The following OXR1 variants were observed in gnomAD, a reference collection of about 807,000 sequenced individuals.
OXR1 encodes the protein oxidation resistance protein 1.
Under a neutral mutation model 104.6 loss-of-function variants are expected in OXR1, and 41 were observed. The ratio of observed to expected loss-of-function variants is 0.39; its 90% CI spans 0.31 to 0.51. The LOEUF is 0.51. Among genes scored for constraint, OXR1 ranks in the 20% least tolerant of loss-of-function variants. OXR1 has a pLI of 0.77. For missense variants in OXR1, 955 were observed against 1,031.9 expected (o/e 0.93, Z 1.02); for synonymous variants, 348 against 348.4 (o/e 1.00, Z 0.01).
At chr8:106,505,584 G>A (rs1670395) in intron 2 of OXR1, among the ~76,000 whole-genome samples, 16,388 of 152,148 alleles carry the variant, frequency 0.11, 1,002 homozygotes, top group African/African-American at 0.15. Flanking sequence ...AGCTAGGGAA[G>A]GAGGATGAGA....
At chr8:106,723,720 G>C (rs1833068709) in intron 11 of OXR1, among the ~76,000 whole-genome samples, 1 of 151,988 alleles carries the variant, frequency 6.6e-6, no homozygotes, top group Admixed American at 6.6e-5. Flanking sequence ...ACTGTCAGAA[G>C]AGGATTTATG....
At chr8:106,722,110 T>A (rs1832871199) in intron 11 of OXR1, among the ~76,000 whole-genome samples, 1 of 152,198 alleles carries the variant, frequency 6.6e-6, no homozygotes, top group South Asian at 2.1e-4. Context: ...CTGGTGATCA[T>A]TTTATTAAAC....
intron 1 of OXR1, among the ~76,000 whole-genome samples, chr8:106,347,978 T>C (rs1005270922): frequency 3.3e-5 from 5 of 152,046 alleles, no homozygotes; most frequent in Non-Finnish European, 5.9e-5. Context: ...ATGTGAAGAG[T>C]ACATATATGA....
intron 8 of OXR1, among the ~76,000 whole-genome samples, chr8:106,704,159 GGT>G (rs2131362274): frequency 6.6e-6 from 1 of 152,110 alleles, no homozygotes; most frequent in African/African-American, 2.4e-5. Context: ...ATTCCTAGAA[GGT>G]GTTAGTATCC....
chr8:106,677,189 TAA>T (rs765258440), intron 3 of OXR1, among the ~76,000 whole-genome samples: 91,929 of 151,934 alleles, frequency 0.61, 28,699 homozygotes, highest in African/African-American at 0.76. Context: ...ATTGCAAGTT[TAA>T]TTTGCTATTC....
intron 1 of OXR1, among the ~76,000 whole-genome samples, chr8:106,298,975 A>G (rs576737218): frequency 1.3e-5 from 2 of 152,024 alleles, no homozygotes; most frequent in South Asian, 4.1e-4. Context: ...TGTGTGTTAT[A>G]TGTAATAACA....
chr8:106,310,511 G>C (rs1813655608), intron 1 of OXR1, among the ~76,000 whole-genome samples: 1 of 151,984 alleles, frequency 6.6e-6, no homozygotes, highest in Admixed American at 6.5e-5. Flanking sequence ...TTCTCCCCTT[G>C]GGGTTTCATG....
chr8:106,375,739 G>C (rs749548811), intron 2 of OXR1, among the ~76,000 whole-genome samples: 3 of 152,212 alleles, frequency 2.0e-5, no homozygotes, highest in Non-Finnish European at 4.4e-5. Flanking sequence ...CAGAGAGTGT[G>C]TATACAATAT....
intron 2 of OXR1, among the ~76,000 whole-genome samples, chr8:106,463,396 G>C (rs942610332): frequency 6.6e-6 from 1 of 152,072 alleles, no homozygotes; most frequent in Non-Finnish European, 1.5e-5. Flanking sequence ...TAATAATTGT[G>C]CATGCCTCTC....
At chr8:106,677,812 A>G (rs1302223957) in intron 3 of OXR1, among the ~76,000 whole-genome samples, 1 of 152,018 alleles carries the variant, frequency 6.6e-6, no homozygotes, top group African/African-American at 2.4e-5. Context: ...GTTGTAATGG[A>G]TGAACCATAA....
intron 3 of OXR1, among the ~76,000 whole-genome samples, chr8:106,652,232 G>A (rs1357421632): frequency 6.6e-6 from 1 of 152,128 alleles, no homozygotes; most frequent in Admixed American, 6.5e-5. Flanking sequence ...TGAATGAATG[G>A]ATGACAATTT....
At position 106,566,229 on chromosome 8, in the gene OXR1, A is replaced by T. The variant is rs775330250; in HGVS notation, c.220+47090A>T. ...AAAATTTTTGCCATCTATCCATCTGACAAAGGGCGAAGATCCAGATTCTAC... is the reference window on the plus strand; with the variant it reads ...AAAATTTTTGCCATCTATCCATCTGTCAAAGGGCGAAGATCCAGATTCTAC... On this transcript the variant is annotated intron_variant, in intron 3 of 16. Coordinates refer to ENST00000517566, the MANE Select transcript of OXR1 (RefSeq NM_001198533.2). 1.3e-5 allele frequency among the ~76,000 whole-genome samples: 2 copies of T among 152,214 alleles called. 1 individual carries two copies. Among genetic ancestry groups the T allele is most frequent in the Non-Finnish European group, 2.9e-5 (2 of 68,028 alleles).
At chr8:106,565,762 T>A (rs2130525404) in intron 3 of OXR1, among the ~76,000 whole-genome samples, 1 of 152,272 alleles carries the variant, frequency 6.6e-6, no homozygotes, top group African/African-American at 2.4e-5. Flanking sequence ...AACAGCATGG[T>A]ACTGCTACCA....
At chr8:106,467,237 A>G (rs1586678587) in intron 2 of OXR1, among the ~76,000 whole-genome samples, 1 of 152,078 alleles carries the variant, frequency 6.6e-6, no homozygotes, top group East Asian at 1.9e-4. Flanking sequence ...TTAGCAAACA[A>G]CAAGCAATTA....
chr8:106,692,846 A>C lies in OXR1; in HGVS notation c.644A>C (p.Lys215Thr). ...GAAGCATTTACTGAGAAATTTCTTAAAATTAATTGCAAATATATTACCAGT... is the reference window on the plus strand; with the variant it reads ...GAAGCATTTACTGAGAAATTTCTTACAATTAATTGCAAATATATTACCAGT... ...EEEAFTEKFL[K>T]INCKYITSGK... The change falls in exon 7 of 17, where the codon AAA becomes ACA. Residue 215 changes from lysine to threonine, a missense_variant. Lys to Thr is a moderately conservative substitution (Grantham distance 78). Coordinates refer to ENST00000517566, the MANE Select transcript of OXR1 (RefSeq NM_001198533.2). 1.2e-6 allele frequency: 2 copies of C among 1,606,032 alleles called. No individual in the cohort carries two copies. Among genetic ancestry groups the C allele is most frequent in the Non-Finnish European group, 1.7e-6 (2 of 1,174,710 alleles).
In OXR1 at chr8:106,723,218, G is replaced by A. The variant is rs144344380; in HGVS notation, c.1956+9233G>A. Among the ~76,000 whole-genome samples the A allele has an allele frequency of 8.2e-3, 1,254 of 152,128 alleles. 20 individuals carry two copies. Among genetic ancestry groups the A allele is most frequent in the African/African-American group, 0.028 (1,157 of 41,484 alleles). On this transcript the variant is annotated intron_variant, in intron 11 of 16. Coordinates refer to ENST00000517566, the MANE Select transcript of OXR1 (RefSeq NM_001198533.2). ...TAAAAATACAAAAATTAGGCCAGGTGCGGTGGCTCATGCGTGTAATCCCAG... is the reference window on the plus strand; with the variant it reads ...TAAAAATACAAAAATTAGGCCAGGTACGGTGGCTCATGCGTGTAATCCCAG...
chr8:106,670,875 C>T (rs994446355), intron 3 of OXR1, among the ~76,000 whole-genome samples: 5 of 150,972 alleles, frequency 3.3e-5, no homozygotes, highest in African/African-American at 4.9e-5. Flanking sequence ...ATGGGGAAAC[C>T]CTGTCTCTAC....
At chr8:106,481,871 G>A (rs1586699496) in intron 2 of OXR1, among the ~76,000 whole-genome samples, 1 of 151,924 alleles carries the variant, frequency 6.6e-6, no homozygotes, top group Non-Finnish European at 1.5e-5. Context: ...TGAATTATGG[G>A]TAGATGAAGT....
At chr8:106,490,499 C>A (rs1811007000) in intron 2 of OXR1, among the ~76,000 whole-genome samples, 1 of 152,156 alleles carries the variant, frequency 6.6e-6, no homozygotes, top group Non-Finnish European at 1.5e-5. Flanking sequence ...GCTGGGACTA[C>A]AGGCCTGCGC....
Sources: allele counts gnomAD v4.1 joint callset (sites outside exome capture counted in the v4.1 genomes callset), GRCh38; gene constraint gnomAD v4.1.1; transcripts MANE v1.5; gene names NCBI Gene and HGNC (gene_info 2026-07-23, HGNC 2026-07-21).